SLC23A2: variants seen among roughly 807,000 people sequenced by gnomAD.
SLC23A2 encodes the protein solute carrier family 23 member 2.
In SLC23A2, 36 loss-of-function variants were observed where a neutral mutation model predicts 73.3. That is an observed-to-expected ratio of 0.49 (90% confidence interval 0.38 to 0.65). SLC23A2 has a LOEUF of 0.65. SLC23A2 is among the 30% of genes least tolerant of loss of function. The probability of loss-of-function intolerance (pLI) is 0.00; values close to 1 mark genes in which losing one functional copy is unlikely to be tolerated. For missense variants in SLC23A2, 507 were observed against 841.6 expected (o/e 0.60, Z 4.92); for synonymous variants, 343 against 327.3 (o/e 1.05, Z -0.52).
intron 6 of SLC23A2, among the ~76,000 whole-genome samples, chr20:4,889,073 T>C (rs1158879376): frequency 2.0e-5 from 3 of 152,206 alleles, no homozygotes; most frequent in Non-Finnish European, 2.9e-5. Flanking sequence ...GATACGACGA[T>C]GGAAAACACT....
chr20:4,975,789 T>C (rs1472557351), intron 1 of SLC23A2, among the ~76,000 whole-genome samples: 1 of 151,882 alleles, frequency 6.6e-6, no homozygotes, highest in East Asian at 1.9e-4. Flanking sequence ...GAACTGTAAG[T>C]GCCTTTTACC....
intron 3 of SLC23A2, among the ~76,000 whole-genome samples, chr20:4,924,290 G>A (rs1205330416): frequency 6.6e-6 from 1 of 152,038 alleles, no homozygotes; most frequent in South Asian, 2.1e-4. Flanking sequence ...GCTCCTCCCC[G>A]TCCTCCCTCT....
chr20:4,900,716 C>A (rs945232163), intron 5 of SLC23A2, among the ~76,000 whole-genome samples: 2 of 152,200 alleles, frequency 1.3e-5, no homozygotes, highest in Non-Finnish European at 2.9e-5. Context: ...CCAGAAAGAA[C>A]CCCATCCCAC....
At chr20:5,008,070 C>T (rs535423529) in intron 1 of SLC23A2, among the ~76,000 whole-genome samples, 6 of 152,130 alleles carry the variant, frequency 3.9e-5, no homozygotes, top group East Asian at 1.9e-4. Context: ...CCACCACACC[C>T]GGCTAATTTT....
In SLC23A2 at chr20:4,899,785, TTCTC is replaced by T; in HGVS notation, c.325-77_325-74del. The T allele has an allele frequency of 6.8e-7, 1 of 1,468,528 alleles. No individual in the cohort carries two copies. The highest frequency in any genetic ancestry group is 9.4e-7 in the Non-Finnish European group (1 of 1,060,188). The allele number at this position is 1,468,528 out of a possible 1,614,324, so 91.0% of individuals were successfully genotyped here. A position where few individuals can be genotyped will look rare whatever the true frequency, so the allele number is the denominator to read the frequency against. Reference sequence around the variant, plus strand: ...TTTATTCTTGATTTCATCCTAATTCTTCTCTCTTATTGTCGTTAAAAAATAGCCC... The same window carrying T: ...TTTATTCTTGATTTCATCCTAATTCTTCTTATTGTCGTTAAAAAATAGCCC... On this transcript the variant is annotated intron_variant, in intron 5 of 16. Coordinates refer to ENST00000338244, the MANE Select transcript of SLC23A2 (RefSeq NM_005116.6). This position sits in a 1 kb window ranked among gnomAD's most constrained non-coding sequence, Gnocchi z 4.9.
chr20:4,914,524 G>C (rs957379103), intron 3 of SLC23A2, among the ~76,000 whole-genome samples: 1 of 151,934 alleles, frequency 6.6e-6, no homozygotes, highest in African/African-American at 2.4e-5. Context: ...CTTCATGGAG[G>C]GAAATTTGGC....
chr20:4,903,351 A>C (rs1042614328), intron 4 of SLC23A2, among the ~76,000 whole-genome samples: 1 of 152,182 alleles, frequency 6.6e-6, no homozygotes, highest in African/African-American at 2.4e-5. Flanking sequence ...CCAAACAGAA[A>C]ACTCAAGGTA....
At chr20:5,002,154 T>C (rs1030627399), upstream of SLC23A2, among the ~76,000 whole-genome samples, 8 of 152,154 alleles carry the variant, frequency 5.3e-5, no homozygotes, top group Admixed American at 1.3e-4. Flanking sequence ...GTGAGGTTCT[T>C]GGACCGCTAA....
intron 1 of SLC23A2, among the ~76,000 whole-genome samples, chr20:5,000,103 T>C (rs1254270593): frequency 6.6e-6 from 1 of 152,086 alleles, no homozygotes; most frequent in Non-Finnish European, 1.5e-5. Flanking sequence ...ACAGTAGTAA[T>C]ACGTTCATAA....
intron 2 of SLC23A2, among the ~76,000 whole-genome samples, chr20:4,962,296 A>G (rs1055047138): frequency 6.6e-6 from 1 of 152,050 alleles, no homozygotes; most frequent in African/African-American, 2.4e-5. Flanking sequence ...AGGGAGCTTG[A>G]CAAGTTCTGG....
At chr20:4,983,036 C>T (rs2087751322) in intron 1 of SLC23A2, among the ~76,000 whole-genome samples, 2 of 151,768 alleles carry the variant, frequency 1.3e-5, no homozygotes, top group Non-Finnish European at 2.9e-5. Context: ...ACCCAGGAGG[C>T]AGAGGTTGTA....
intron 2 of SLC23A2, among the ~76,000 whole-genome samples, chr20:4,964,192 C>A (rs6052993): frequency 6.6e-6 from 1 of 151,454 alleles, no homozygotes; most frequent in Non-Finnish European, 1.5e-5. Context: ...ATGGGGTCTC[C>A]CCACGTTGCC....
chr20:4,991,720 TCACACACA>T (rs11471369), intron 1 of SLC23A2, among the ~76,000 whole-genome samples: 2,871 of 139,334 alleles, frequency 0.021, 54 homozygotes, highest in African/African-American at 0.037. Flanking sequence ...AGACTCCGTT[TCACACACA>T]CACACACACA....
At chr20:4,967,289 T>C (rs1339956157) in intron 2 of SLC23A2, among the ~76,000 whole-genome samples, 2 of 151,160 alleles carry the variant, frequency 1.3e-5, no homozygotes, top group African/African-American at 2.4e-5. Flanking sequence ...ATTGATGAGT[T>C]TTTTTTTTAA....
rs1555806639 is a variant in SLC23A2, at chr20:4,966,835, C to CACACAT, written c.-155+3957_-155+3958insATGTGT. Among the ~76,000 whole-genome samples, 113 of 147,456 alleles carry CACACAT rather than the reference C, an allele frequency of 7.7e-4. 1 individual carries two copies. The East Asian group carries it at 0.01, about 13-fold the overall frequency. ...ACACACACACACACACACACACACACACACACACACACACACACACAGGCA... is the reference window on the plus strand; with the variant it reads ...ACACACACACACACACACACACACACACACATACACACACACACACACACACAGGCA... On this transcript the variant is annotated intron_variant, in intron 2 of 16. Transcript: ENST00000338244.
intron 2 of SLC23A2, among the ~76,000 whole-genome samples, chr20:4,969,511 G>A (rs1477127936): frequency 2.0e-5 from 3 of 151,300 alleles, no homozygotes; most frequent in African/African-American, 4.9e-5. Flanking sequence ...AAACAACACT[G>A]ACATAACATT....
chr20:4,988,293 ACTC>A (rs2087863820), intron 1 of SLC23A2, among the ~76,000 whole-genome samples: 2 of 151,512 alleles, frequency 1.3e-5, no homozygotes, highest in Admixed American at 1.3e-4. Context: ...CAAGAGCAAA[ACTC>A]CACCTCAAAA....
upstream of SLC23A2, among the ~76,000 whole-genome samples, chr20:5,001,672 C>T (rs1260460255): frequency 1.3e-5 from 2 of 150,156 alleles, no homozygotes; most frequent in African/African-American, 2.4e-5. Context: ...ACATCCCGGG[C>T]CTCGCACCCA....
At chr20:4,960,178 A>G (rs2087357617) in intron 2 of SLC23A2, among the ~76,000 whole-genome samples, 2 of 152,018 alleles carry the variant, frequency 1.3e-5, no homozygotes, top group South Asian at 4.1e-4. Context: ...ATATCCACAA[A>G]CCACATGGCC....
Sources: gnomAD v4.1 joint callset for allele counts (sites outside exome capture counted in the v4.1 genomes callset) on GRCh38, gnomAD v4.1.1 for gene constraint, Gnocchi (gnomAD v3.1) non-coding constraint, MANE v1.5 for transcripts, NCBI Gene and HGNC (gene_info 2026-07-23, HGNC 2026-07-21) for gene names.